The following CHRNB3 variants were observed in gnomAD, a reference collection of about 807,000 sequenced individuals.
CHRNB3 encodes the protein cholinergic receptor nicotinic beta 3 subunit, also known as neuronal acetylcholine receptor subunit beta-3.
In CHRNB3, 37 loss-of-function variants were observed where a neutral mutation model predicts 40.6. The observed-to-expected ratio is 0.91, with a 90% CI of 0.70 to 1.20. CHRNB3 has a LOEUF of 1.20. Ranked by LOEUF, CHRNB3 falls within the 50% of genes most tolerant of loss-of-function variation. The probability of loss-of-function intolerance (pLI) is 0.00; values close to 1 mark genes in which losing one functional copy is unlikely to be tolerated. For missense variants in CHRNB3, 505 were observed against 551.2 expected, an observed-to-expected ratio of 0.92 and a Z score of 0.84; for synonymous variants, 207 against 207.1, an observed-to-expected ratio of 1.00 and a Z score of 0.00.
At chr8:42,718,918 C>T (rs1816172003) in intron 3 of CHRNB3, among the ~76,000 whole-genome samples, 1 of 151,862 alleles carries the variant, frequency 6.6e-6, no homozygotes. Context: ...AGTGTTTTTC[C>T]ATTTTTTTCT....
chr8:42,726,340 T>C (rs764260753), intron 3 of CHRNB3: 5 of 532,658 alleles, frequency 9.4e-6, no homozygotes, highest in Non-Finnish European at 1.6e-5. Context: ...ATGACATAAT[T>C]GTCTATGTAG....
chr8:42,703,251 C>T (rs1443724826), intron 1 of CHRNB3, among the ~76,000 whole-genome samples: 1 of 151,216 alleles, frequency 6.6e-6, no homozygotes, highest in Non-Finnish European at 1.5e-5. Flanking sequence ...TAGCGAAACC[C>T]TGTCTCTACT....
At chr8:42,720,493 T>C (rs1247533208) in intron 3 of CHRNB3, among the ~76,000 whole-genome samples, 7 of 152,132 alleles carry the variant, frequency 4.6e-5, no homozygotes, top group African/African-American at 1.7e-4. Context: ...TCCACTGTTC[T>C]GTATCCCATA....
chr8:42,724,683 A>T (rs1359009790), intron 3 of CHRNB3, among the ~76,000 whole-genome samples: 2 of 152,106 alleles, frequency 1.3e-5, no homozygotes, highest in Non-Finnish European at 2.9e-5. Context: ...GCCAATGTAG[A>T]AAACGCTGGA....
intron 1 of CHRNB3, among the ~76,000 whole-genome samples, chr8:42,698,775 T>G (rs1186445591): frequency 1.3e-5 from 2 of 152,232 alleles, no homozygotes; most frequent in Non-Finnish European, 2.9e-5. Context: ...TTTTCTGTCT[T>G]TATTATTCTA....
At chr8:42,727,355 A>G (rs1198983534) in intron 3 of CHRNB3, among the ~76,000 whole-genome samples, 3 of 147,020 alleles carry the variant, frequency 2.0e-5, no homozygotes, top group African/African-American at 5.1e-5. Flanking sequence ...CCTGGGCGAT[A>G]GAGTGAGACT....
chr8:42,703,422 T>TAAAAAAAAAAAAAAA (rs1202825994), intron 1 of CHRNB3, among the ~76,000 whole-genome samples: 1 of 26,434 alleles, frequency 3.8e-5, no homozygotes, highest in African/African-American at 6.0e-5. Context: ...AGACTTCGTC[T>TAAAAAAAAAAAAAAA]AAAAAAAAAA....
intron 3 of CHRNB3, among the ~76,000 whole-genome samples, chr8:42,728,601 A>G (rs369282267): frequency 1.1e-4 from 16 of 152,280 alleles, no homozygotes; most frequent in African/African-American, 3.6e-4. Context: ...AAGAAGTCAG[A>G]ATTGAAATGT....
intron 5 of CHRNB3, among the ~76,000 whole-genome samples, chr8:42,735,276 G>T (rs373296162): frequency 6.6e-6 from 1 of 151,982 alleles, no homozygotes; most frequent in African/African-American, 2.4e-5. Flanking sequence ...GGTGGCTCAC[G>T]CCTGTAATCC....
chr8:42,712,541 T>C (rs1225217840), intron 3 of CHRNB3, among the ~76,000 whole-genome samples: 2 of 152,182 alleles, frequency 1.3e-5, no homozygotes, highest in African/African-American at 4.8e-5. Context: ...CTGAATATTG[T>C]TTTACTTGCA....
intron 3 of CHRNB3, among the ~76,000 whole-genome samples, chr8:42,719,015 T>A (rs1298251002): frequency 1.3e-5 from 2 of 152,186 alleles, no homozygotes; most frequent in Non-Finnish European, 2.9e-5. Flanking sequence ...AGTCGGGAAC[T>A]GCTGTGATGT....
At chr8:42,716,875 G>A (rs1816118522) in intron 3 of CHRNB3, among the ~76,000 whole-genome samples, 1 of 152,002 alleles carries the variant, frequency 6.6e-6, no homozygotes, top group Non-Finnish European at 1.5e-5. Context: ...TAAATGACCC[G>A]GCTTCACTGT....
chr8:42,708,439 C>T (rs1233049186), intron 1 of CHRNB3, among the ~76,000 whole-genome samples: 1 of 151,300 alleles, frequency 6.6e-6, no homozygotes, highest in Non-Finnish European at 1.5e-5. Context: ...GCACTCCAGC[C>T]TGAGCAACAG....
chr8:42,710,408 A>C lies in CHRNB3; in HGVS notation c.223A>C (p.Met75Leu). 6.2e-7 allele frequency: 1 copy of C among 1,610,638 alleles called. No homozygotes were observed. Among genetic ancestry groups the C allele is most frequent in the Non-Finnish European group, 8.5e-7 (1 of 1,177,962 alleles). Residue 75 changes from methionine to leucine, a missense_variant, in exon 3 of 6, where the codon ATG becomes CTG. Physicochemically the swap from Met to Leu is conservative, Grantham distance 15. Coordinates refer to ENST00000289957, the MANE Select transcript of CHRNB3 (RefSeq NM_000749.5). ...TTCTTAGGATGAAAAGAATCAGCTG[A>C]TGACAACCAATGTGTGGCTCAAACA... Reference protein sequence around the residue: ...LVDVDEKNQLMTTNVWLKQEW... With the variant: ...LVDVDEKNQLLTTNVWLKQEW...
At chr8:42,708,151 A>G (rs1218760914) in intron 1 of CHRNB3, among the ~76,000 whole-genome samples, 1 of 152,276 alleles carries the variant, frequency 6.6e-6, no homozygotes, top group African/African-American at 2.4e-5. Flanking sequence ...AAATCTCATG[A>G]GAGAGTGCAG....
intron 5 of CHRNB3, among the ~76,000 whole-genome samples, chr8:42,735,947 G>A (rs1816516265): frequency 1.3e-5 from 2 of 152,068 alleles, no homozygotes; most frequent in Non-Finnish European, 1.5e-5. Context: ...CCTAAGATAT[G>A]CTCTGTCTCC....
chr8:42,728,524 G>A (rs1223532026), intron 3 of CHRNB3, among the ~76,000 whole-genome samples: 1 of 152,006 alleles, frequency 6.6e-6, no homozygotes, highest in South Asian at 2.1e-4. Context: ...ACAAGATCCT[G>A]TCTCAAATTA....
chr8:42,699,956 C>CA (rs1815753713), intron 1 of CHRNB3, among the ~76,000 whole-genome samples: 1 of 144,486 alleles, frequency 6.9e-6, no homozygotes, highest in Non-Finnish European at 1.5e-5. Context: ...GGCATCAAAG[C>CA]AAAAAAATCC....
At chr8:42,699,201 A>G (rs769817705) in intron 1 of CHRNB3, among the ~76,000 whole-genome samples, 1 of 152,160 alleles carries the variant, frequency 6.6e-6, no homozygotes, top group Non-Finnish European at 1.5e-5. Context: ...CTTCATTTTT[A>G]TATTTCTGGC....
Sources: allele counts gnomAD v4.1 joint callset (sites outside exome capture counted in the v4.1 genomes callset), GRCh38; gene constraint gnomAD v4.1.1; transcripts MANE v1.5; gene names NCBI Gene and HGNC (gene_info 2026-07-23, HGNC 2026-07-21).